The following RAPGEF2 variants were observed in gnomAD, a reference collection of about 807,000 sequenced individuals.
The protein encoded by RAPGEF2 is PDZ domain containing guanine nucleotide exchange factor (GEF) 1.
RAPGEF2 carries 54 observed loss-of-function variants against 186.7 expected under a neutral mutation model. The observed-to-expected ratio is 0.29, with a 90% confidence interval of 0.23 to 0.36. RAPGEF2 has a LOEUF of 0.36. Ranked by LOEUF, RAPGEF2 falls within the 10% of genes least tolerant of loss-of-function variation. The pLI, the probability that RAPGEF2 is intolerant of heterozygous loss-of-function variation, is 1.00. For synonymous variants in RAPGEF2, 712 were observed against 705.9 expected (o/e 1.01, Z -0.14); for missense variants, 1,532 against 2,045.0 (o/e 0.75, Z 4.84).
At chr4:159,197,016 T>C (rs1748721584) in intron 3 of RAPGEF2, among the ~76,000 whole-genome samples, 1 of 152,260 alleles carries the variant, frequency 6.6e-6, no homozygotes, top group South Asian at 2.1e-4. Flanking sequence ...AGGTAATTTC[T>C]GCCTTCCTTG....
At chr4:159,251,451 G>C (rs1021363113) in intron 7 of RAPGEF2, among the ~76,000 whole-genome samples, 2 of 152,252 alleles carry the variant, frequency 1.3e-5, no homozygotes, top group Non-Finnish European at 2.9e-5. Context: ...GTACCAATCA[G>C]CACTCTGTGT....
chr4:159,107,793 A>G (rs561782040), intron 1 of RAPGEF2, among the ~76,000 whole-genome samples: 119 of 152,210 alleles, frequency 7.8e-4, no homozygotes, highest in Non-Finnish European at 1.3e-3. Context: ...GCATGAAAGA[A>G]TATCTCTGAC....
intron 1 of RAPGEF2, among the ~76,000 whole-genome samples, chr4:159,177,906 A>G (rs995204862): frequency 6.6e-6 from 1 of 152,226 alleles, no homozygotes; most frequent in African/African-American, 2.4e-5. Flanking sequence ...TGATGGATCA[A>G]CAAGGAAGAA....
chr4:159,182,161 G>T (rs943434761), intron 1 of RAPGEF2, among the ~76,000 whole-genome samples: 1 of 152,044 alleles, frequency 6.6e-6, no homozygotes, highest in Non-Finnish European at 1.5e-5. Flanking sequence ...CTTTTAAAAG[G>T]CTTCTTGGAA....
rs79688007 is a variant in RAPGEF2, at chr4:159,235,685, A to G, written c.282-3124A>G. Among the ~76,000 whole-genome samples, 673 of 152,162 alleles carry G rather than the reference A, an allele frequency of 4.4e-3. 3 individuals are homozygous for G. The highest frequency in any genetic ancestry group is 0.015 in the African/African-American group (604 of 41,520). Reference sequence around the variant, plus strand: ...ATCTGTTGCCTTTAAGTCTGTCCTTATTTTCCAGAGCTGAATTTTTTCAGT... The same window carrying G: ...ATCTGTTGCCTTTAAGTCTGTCCTTGTTTTCCAGAGCTGAATTTTTTCAGT... On this transcript the variant is annotated intron_variant, in intron 4 of 29. Coordinates refer to ENST00000691494, the MANE Select transcript of RAPGEF2 (RefSeq NM_001394067.2).
chr4:159,261,897 AT>A (rs1398557423), intron 7 of RAPGEF2, among the ~76,000 whole-genome samples: 1 of 152,214 alleles, frequency 6.6e-6, no homozygotes, highest in Non-Finnish European at 1.5e-5. Flanking sequence ...TACAAGTGAC[AT>A]TTTGATAATA....
intron 1 of RAPGEF2, among the ~76,000 whole-genome samples, chr4:159,164,186 A>T (rs1269519397): frequency 2.6e-5 from 4 of 151,786 alleles, no homozygotes; most frequent in Non-Finnish European, 2.9e-5. Context: ...TTGTATTTTT[A>T]GTAGAGGCGG....
At chr4:159,292,078 C>T (rs2110963457) in intron 7 of RAPGEF2, among the ~76,000 whole-genome samples, 1 of 152,166 alleles carries the variant, frequency 6.6e-6, no homozygotes, top group Admixed American at 6.5e-5. Context: ...TGCAACATTA[C>T]CACCGTTGCT....
At position 159,310,560 on chromosome 4, in the gene RAPGEF2, C is replaced by A. The variant is rs1033730407; in HGVS notation, c.676-4031C>A. 6.0e-4 allele frequency among the ~76,000 whole-genome samples: 91 copies of A among 151,982 alleles called. 3 individuals carry two copies. Reference sequence around the variant, plus strand: ...AAATTGGTTTTAAGAACTGTGTTCACAATAGCAGAATGTATTTAGTCCCTT... The same window carrying A: ...AAATTGGTTTTAAGAACTGTGTTCAAAATAGCAGAATGTATTTAGTCCCTT... On this transcript the variant is annotated intron_variant, in intron 8 of 29. Transcript: ENST00000691494.
At chr4:159,193,146 C>G in intron 2 of RAPGEF2, 54 bp from the exon 3 acceptor site, 1 of 1,094,582 alleles carries the variant, frequency 9.1e-7, no homozygotes, top group Non-Finnish European at 1.2e-6. Context: ...GTTTAAAATA[C>G]CAGTCTGTTT....
intron 1 of RAPGEF2, among the ~76,000 whole-genome samples, chr4:159,120,146 A>C (rs1050725847): frequency 2.6e-5 from 4 of 152,032 alleles, no homozygotes; most frequent in African/African-American, 9.7e-5. Context: ...CAGCCTCCTG[A>C]GTAGCTGGGA....
At position 159,342,999 on chromosome 4, in the gene RAPGEF2, T is replaced by C. The variant is rs1230380889; in HGVS notation, c.2939T>C (p.Val980Ala). The change falls in exon 21 of 30, where the codon GTG becomes GCG. Residue 980 changes from valine to alanine, a missense_variant. Around this residue, in one of 4 missense-constraint regions of RAPGEF2, gnomAD observed 810 missense variants for 1,210.5 expected, o/e 0.67. Transcript: ENST00000691494. ...CTCAGTGGCCTAAACCTGGCACCAGTGGCAAGACTGCGAACGACCTGGGAG... is the reference window on the plus strand; with the variant it reads ...CTCAGTGGCCTAAACCTGGCACCAGCGGCAAGACTGCGAACGACCTGGGAG... ...AIISGLNLAP[V>A]ARLRTTWEKL... 6.2e-7 allele frequency: 1 copy of C among 1,614,024 alleles called. No individual in the cohort carries two copies. The highest frequency in any genetic ancestry group is 8.5e-7 in the Non-Finnish European group (1 of 1,179,944).
At chr4:159,264,629 T>C (rs547856041) in intron 7 of RAPGEF2, among the ~76,000 whole-genome samples, 2 of 152,278 alleles carry the variant, frequency 1.3e-5, no homozygotes, top group South Asian at 4.2e-4. Flanking sequence ...CATTATTAAG[T>C]GTAAAAGGCC....
chr4:159,223,205 T>C (rs1316977881), intron 4 of RAPGEF2, among the ~76,000 whole-genome samples: 1 of 91,428 alleles, frequency 1.1e-5, no homozygotes, highest in East Asian at 2.0e-4. Context: ...TCTTAGATGT[T>C]TCTTACGGCG....
intron 3 of RAPGEF2, among the ~76,000 whole-genome samples, chr4:159,198,256 CT>C (rs1235274758): frequency 1.0e-5 from 1 of 97,262 alleles, no homozygotes; most frequent in African/African-American, 4.6e-5. Context: ...TCCTTTCTTT[CT>C]TTCTCTTTCT....
chr4:159,181,288 C>T (rs1746980970), intron 1 of RAPGEF2, among the ~76,000 whole-genome samples: 1 of 152,182 alleles, frequency 6.6e-6, no homozygotes, highest in South Asian at 2.1e-4. Context: ...CTTCCAAATT[C>T]TTGCTTCTAC....
intron 4 of RAPGEF2, among the ~76,000 whole-genome samples, chr4:159,234,660 G>A (rs1753035318): frequency 1.3e-5 from 2 of 150,078 alleles, no homozygotes; most frequent in Non-Finnish European, 2.9e-5. Context: ...GGTTCATGCC[G>A]TTTATTGGCC....
chr4:159,244,830 G>T (rs1754428375), intron 7 of RAPGEF2, among the ~76,000 whole-genome samples: 1 of 151,886 alleles, frequency 6.6e-6, no homozygotes, highest in Non-Finnish European at 1.5e-5. Context: ...TGTCATGATT[G>T]CTATATTGGT....
intron 3 of RAPGEF2, among the ~76,000 whole-genome samples, chr4:159,194,070 C>T (rs1244627865): frequency 1.3e-5 from 2 of 152,086 alleles, no homozygotes; most frequent in Non-Finnish European, 1.5e-5. Flanking sequence ...CACAAGGGAG[C>T]GTGTGAAGGA....
Sources: gnomAD v4.1 joint callset for allele counts (sites outside exome capture counted in the v4.1 genomes callset) on GRCh38, gnomAD v4.1.1 for gene constraint, gnomAD v4.1.1 regional missense constraint, MANE v1.5 for transcripts, NCBI Gene and HGNC (gene_info 2026-07-23, HGNC 2026-07-21) for gene names.